Variants in CACNA2D1 observed in about 807,000 individuals in gnomAD.
The protein encoded by CACNA2D1 is voltage-dependent calcium channel subunit alpha-2/delta-1.
CACNA2D1 carries 53 observed loss-of-function variants against 171.5 expected under a neutral mutation model. That is an observed-to-expected ratio of 0.31 (90% CI 0.25 to 0.39). The LOEUF (loss-of-function observed/expected upper bound fraction) is 0.39, where lower values mean the gene tolerates loss of function less well. Ranked by LOEUF, CACNA2D1 falls within the 10% of genes least tolerant of loss-of-function variation. CACNA2D1 has a pLI of 1.00. For synonymous variants in CACNA2D1, 442 were observed against 443.1 expected, an observed-to-expected ratio of 1.00 and a Z score of 0.03; for missense variants, 903 against 1,299.8, an observed-to-expected ratio of 0.69 and a Z score of 4.69.
intron 1 of CACNA2D1, among the ~76,000 whole-genome samples, chr7:82,423,563 T>C (rs1828913409): frequency 1.3e-5 from 2 of 152,172 alleles, no homozygotes; most frequent in Admixed American, 1.3e-4. Flanking sequence ...AACAAAATTC[T>C]GGCAAGGAAC....
intron 2 of CACNA2D1, among the ~76,000 whole-genome samples, chr7:82,341,156 T>A (rs904459925): frequency 2.6e-5 from 4 of 152,154 alleles, no homozygotes; most frequent in Admixed American, 6.5e-5. Context: ...TTCTAAAAGG[T>A]GTATTAACAG....
At chr7:82,145,569 T>C (rs1038377775) in intron 4 of CACNA2D1, among the ~76,000 whole-genome samples, 1 of 141,282 alleles carries the variant, frequency 7.1e-6, no homozygotes, top group East Asian at 2.0e-4. Context: ...ATATATAAAA[T>C]TTTTACATAT....
intron 10 of CACNA2D1, among the ~76,000 whole-genome samples, chr7:82,040,903 A>T (rs917426733): frequency 2.0e-5 from 3 of 152,258 alleles, no homozygotes; most frequent in Non-Finnish European, 4.4e-5. Flanking sequence ...TGAACCAGGG[A>T]GGCGGAGGTT....
intron 4 of CACNA2D1, among the ~76,000 whole-genome samples, chr7:82,143,822 C>G (rs560427712): frequency 8.1e-4 from 124 of 152,294 alleles, no homozygotes; most frequent in Non-Finnish European, 1.4e-3. Flanking sequence ...CCAAACTGCC[C>G]AATCTTGCTG....
chr7:82,148,044 C>T (rs1210109438), intron 4 of CACNA2D1, among the ~76,000 whole-genome samples: 1 of 152,052 alleles, frequency 6.6e-6, no homozygotes, highest in African/African-American at 2.4e-5. Context: ...AATATGTATA[C>T]AAACTTATAA....
intron 3 of CACNA2D1, among the ~76,000 whole-genome samples, chr7:82,281,057 T>A (rs983910550): frequency 6.6e-6 from 1 of 152,282 alleles, no homozygotes; most frequent in African/African-American, 2.4e-5. Flanking sequence ...GAAGTCCAGA[T>A]GTAAAGTGTG....
intron 22 of CACNA2D1, 64 bp downstream of exon 22, chr7:81,984,571 G>GT: frequency 1.1e-6 from 1 of 879,648 alleles, no homozygotes; most frequent in Non-Finnish European, 1.9e-6. Context: ...AAATCTAGAC[G>GT]TATTTAAACA....
intron 3 of CACNA2D1, among the ~76,000 whole-genome samples, chr7:82,297,898 C>T (rs1585388431): frequency 6.6e-6 from 1 of 152,006 alleles, no homozygotes; most frequent in African/African-American, 2.4e-5. Context: ...TCTTGTAATA[C>T]GGATATATAA....
intron 20 of CACNA2D1, among the ~76,000 whole-genome samples, chr7:81,991,838 AT>A (rs140712223): frequency 4.8e-3 from 691 of 142,950 alleles, no homozygotes; most frequent in Non-Finnish European, 5.2e-3. Flanking sequence ...CACATGTATA[AT>A]TTTTTTTTTT....
At chr7:82,416,168 T>C (rs909425283) in intron 1 of CACNA2D1, among the ~76,000 whole-genome samples, 3 of 152,008 alleles carry the variant, frequency 2.0e-5, no homozygotes, top group Non-Finnish European at 4.4e-5. Flanking sequence ...TTAGCTGAGA[T>C]CGTGCCACTG....
intron 2 of CACNA2D1, among the ~76,000 whole-genome samples, chr7:82,343,871 T>C (rs1301447874): frequency 2.0e-5 from 3 of 152,204 alleles, no homozygotes; most frequent in Non-Finnish European, 4.4e-5. Flanking sequence ...ACGACCTAAA[T>C]ATATTTCACT....
At chr7:82,434,488 C>T (rs1001760063) in intron 1 of CACNA2D1, among the ~76,000 whole-genome samples, 1 of 151,930 alleles carries the variant, frequency 6.6e-6, no homozygotes, top group African/African-American at 2.4e-5. Context: ...TAATTAAGTA[C>T]TCATTAGTTA....
intron 3 of CACNA2D1, among the ~76,000 whole-genome samples, chr7:82,292,756 A>G (rs1234504106): frequency 2.0e-5 from 3 of 151,994 alleles, no homozygotes; most frequent in Non-Finnish European, 4.4e-5. Context: ...CCTACTTATG[A>G]TGTCTTTCAA....
chr7:82,184,159 T>C (rs927968710), intron 3 of CACNA2D1, among the ~76,000 whole-genome samples: 17 of 138,852 alleles, frequency 1.2e-4, no homozygotes, highest in Non-Finnish European at 1.5e-5. Context: ...TGTGGAAACA[T>C]CGGTTTCCTC....
intron 6 of CACNA2D1, among the ~76,000 whole-genome samples, chr7:82,097,229 G>C (rs530709165): frequency 2.0e-5 from 3 of 152,258 alleles, no homozygotes; most frequent in African/African-American, 4.8e-5. Flanking sequence ...TTGCAGGGAT[G>C]TTATTAGAGA....
chr7:82,182,985 G>A (rs149677583), intron 3 of CACNA2D1, among the ~76,000 whole-genome samples: 91 of 151,090 alleles, frequency 6.0e-4, no homozygotes, highest in South Asian at 2.1e-3. Context: ...TGCAGTAAGC[G>A]GAGATTGCAC....
At chr7:82,079,732 T>G (rs1584666434) in intron 7 of CACNA2D1, among the ~76,000 whole-genome samples, 1 of 144,766 alleles carries the variant, frequency 6.9e-6, no homozygotes. Context: ...GAACACAGAG[T>G]CTATAATGGC....
At chr7:82,260,308 T>C (rs1244496762) in intron 3 of CACNA2D1, among the ~76,000 whole-genome samples, 1 of 152,134 alleles carries the variant, frequency 6.6e-6, no homozygotes, top group East Asian at 1.9e-4. Context: ...TTATTAACAA[T>C]ATGATCATCA....
intron 6 of CACNA2D1, among the ~76,000 whole-genome samples, chr7:82,115,719 T>G (rs1331098544): frequency 6.6e-6 from 1 of 151,032 alleles, no homozygotes; most frequent in East Asian, 1.9e-4. Flanking sequence ...AAATTGTTTT[T>G]AAAACCAATA....
Sources: allele counts gnomAD v4.1 joint callset (sites outside exome capture counted in the v4.1 genomes callset), GRCh38; gene constraint gnomAD v4.1.1; transcripts MANE v1.5; gene names NCBI Gene and HGNC (gene_info 2026-07-23, HGNC 2026-07-21).